MTPN: variants seen among roughly 807,000 people sequenced by gnomAD.
MTPN encodes granule cell differentiation protein.
A neutral mutation model predicts 13.5 loss-of-function variants in MTPN; 2 were observed. The observed-to-expected ratio is 0.15, with a 90% CI of 0.06 to 0.47. MTPN has a LOEUF of 0.47. Ranked by LOEUF, MTPN falls within the 20% of genes least tolerant of loss-of-function variation. The probability of loss-of-function intolerance (pLI) is 0.97; values close to 1 mark genes in which losing one functional copy is unlikely to be tolerated. For synonymous variants in MTPN, 46 were observed against 51.7 expected, an observed-to-expected ratio of 0.89 and a Z score of 0.48; for missense variants, 79 against 137.9, an observed-to-expected ratio of 0.57 and a Z score of 2.14.
At position 135,929,549 on chromosome 7, in the gene MTPN, A is replaced by G. The variant is rs182797391; in HGVS notation, c.*377T>C. On this transcript the variant is annotated 3_prime_UTR_variant, in exon 4 of 4. Transcript: ENST00000393085. ...ACTGCTCAGACAGTTAGGGCTACCA[A>G]ATATGTAGAGTTGGCCTTTGTAGAA... 3 of 217,862 alleles carry G rather than the reference A, an allele frequency of 1.4e-5. No individual in the cohort carries two copies. In the East Asian group the frequency reaches 3.5e-4, roughly 25 times the overall value. The allele number at this position is 217,862 out of a possible 1,614,324, so 13.5% of individuals were successfully genotyped here.
chr7:135,970,013 G>C (rs527876402), intron 1 of MTPN, among the ~76,000 whole-genome samples: 4 of 152,252 alleles, frequency 2.6e-5, no homozygotes, highest in East Asian at 1.9e-4. Flanking sequence ...CTCATGAAGA[G>C]AGTAATGCAG....
chr7:135,932,016 AAG>A (rs1799029181), intron 3 of MTPN, among the ~76,000 whole-genome samples: 1 of 152,168 alleles, frequency 6.6e-6, no homozygotes, highest in African/African-American at 2.4e-5. Context: ...TGTGAACAGT[AAG>A]TTGTTCACAA....
intron 1 of MTPN, among the ~76,000 whole-genome samples, chr7:135,969,255 A>T (rs200437684): frequency 8.1e-6 from 1 of 123,926 alleles, no homozygotes; most frequent in Non-Finnish European, 1.8e-5. Flanking sequence ...AAAAAAAAAG[A>T]AAAAAAAAAG....
chr7:135,927,284 G>A lies in MTPN; in HGVS notation c.*2642C>T, dbSNP rs917506473. 7.1e-6 allele frequency: 11 copies of A among 1,546,778 alleles called. No homozygotes were observed. In the Admixed American group the frequency reaches 1.8e-4, roughly 25 times the overall value. ...CATGCTTAACTGGGTTTAGAAAGGTGAGCTATGCGTAGAAGAACTACTTGG... is the reference window on the plus strand; with the variant it reads ...CATGCTTAACTGGGTTTAGAAAGGTAAGCTATGCGTAGAAGAACTACTTGG... On this transcript the variant is annotated 3_prime_UTR_variant, in exon 4 of 4. Transcript: ENST00000393085.
chr7:135,972,231 G>GCGCGCACACACACACACACA (rs779296906), intron 1 of MTPN, among the ~76,000 whole-genome samples: 30 of 124,718 alleles, frequency 2.4e-4, no homozygotes, highest in African/African-American at 8.7e-4. Context: ...GCACGCGCGC[G>GCGCGCACACACACACACACA]CACACACACA....
chr7:135,958,675 G>C (rs1178310834), intron 1 of MTPN, among the ~76,000 whole-genome samples: 2 of 152,086 alleles, frequency 1.3e-5, no homozygotes, highest in African/African-American at 4.8e-5. Flanking sequence ...TTTTACATTA[G>C]GTTATTACTT....
rs749003241 is a variant in MTPN at position 135,951,492 on chromosome 7, A to C, written c.186+25T>G. Reference sequence around the variant, plus strand: ...TAGCATATTAACAGAAAATTTTTTCAAGAATGATCACGTCCTCTACGTACA... The same window carrying C: ...TAGCATATTAACAGAAAATTTTTTCCAGAATGATCACGTCCTCTACGTACA... On this transcript the variant is annotated intron_variant, in intron 2 of 3. Coordinates refer to ENST00000393085, the MANE Select transcript of MTPN (RefSeq NM_145808.4). 2.6e-6 allele frequency: 4 copies of C among 1,523,892 alleles called. No individual in the cohort carries two copies. The African/African-American group carries it at 5.5e-5, about 21-fold the overall frequency. The allele number at this position is 1,523,892 out of a possible 1,614,324, so 94.4% of individuals were successfully genotyped here. A position where few individuals can be genotyped will look rare whatever the true frequency, so the allele number is the denominator to read the frequency against.
At chr7:135,946,317 T>C (rs1245683333) in intron 3 of MTPN, among the ~76,000 whole-genome samples, 1 of 152,202 alleles carries the variant, frequency 6.6e-6, no homozygotes, top group African/African-American at 2.4e-5. Context: ...TAAAAAATCT[T>C]TTCAAAAATA....
At chr7:135,957,300 A>G (rs1268431802) in intron 1 of MTPN, among the ~76,000 whole-genome samples, 1 of 152,250 alleles carries the variant, frequency 6.6e-6, no homozygotes, top group Non-Finnish European at 1.5e-5. Context: ...AAACCATAAC[A>G]TGCTTTAGGA....
At chr7:135,965,950 T>C (rs368972640) in intron 1 of MTPN, among the ~76,000 whole-genome samples, 1 of 152,078 alleles carries the variant, frequency 6.6e-6, no homozygotes, top group African/African-American at 2.4e-5. Flanking sequence ...ACAGGCAATG[T>C]GATAACTGTT....
chr7:135,942,044 C>T (rs969966013), intron 3 of MTPN, among the ~76,000 whole-genome samples: 3 of 151,802 alleles, frequency 2.0e-5, no homozygotes, highest in African/African-American at 7.3e-5. Flanking sequence ...CCACCACGCC[C>T]GGCTAATTTT....
chr7:135,975,203 T>C (rs1799754954), intron 1 of MTPN, among the ~76,000 whole-genome samples: 1 of 152,250 alleles, frequency 6.6e-6, no homozygotes, highest in East Asian at 1.9e-4. Flanking sequence ...AATCCATCTT[T>C]ATTGGCATAT....
At chr7:135,965,086 C>T (rs993134282) in intron 1 of MTPN, among the ~76,000 whole-genome samples, 3 of 152,020 alleles carry the variant, frequency 2.0e-5, no homozygotes, top group African/African-American at 7.2e-5. Flanking sequence ...TTACTAGCTG[C>T]CCCTTTACAA....
intron 1 of MTPN, among the ~76,000 whole-genome samples, chr7:135,963,608 C>G (rs1200297387): frequency 6.6e-6 from 1 of 152,006 alleles, no homozygotes; most frequent in Non-Finnish European, 1.5e-5. Flanking sequence ...TCTTACTTGA[C>G]ATATTTTCTG....
At chr7:135,965,759 A>G (rs1799594984) in intron 1 of MTPN, among the ~76,000 whole-genome samples, 1 of 152,174 alleles carries the variant, frequency 6.6e-6, no homozygotes, top group South Asian at 2.1e-4. Flanking sequence ...TTAAAACAAC[A>G]AAGAACTTGA....
At chr7:135,962,266 C>T (rs1414265256) in intron 1 of MTPN, among the ~76,000 whole-genome samples, 1 of 150,644 alleles carries the variant, frequency 6.6e-6, no homozygotes, top group African/African-American at 2.4e-5. Flanking sequence ...TTGGGATTAG[C>T]AAAATACCAA....
intron 1 of MTPN, among the ~76,000 whole-genome samples, chr7:135,976,191 C>T (rs1056365711): frequency 1.3e-5 from 2 of 152,186 alleles, no homozygotes; most frequent in South Asian, 2.1e-4. Flanking sequence ...TCCCACTCTG[C>T]CACAATGTCG....
intron 1 of MTPN, among the ~76,000 whole-genome samples, chr7:135,969,409 G>A (rs551580007): frequency 6.6e-5 from 10 of 151,168 alleles, no homozygotes; most frequent in African/African-American, 2.2e-4. Flanking sequence ...TTATAATGTA[G>A]TATCTCATTG....
intron 1 of MTPN, among the ~76,000 whole-genome samples, chr7:135,963,172 G>A (rs1799550977): frequency 6.6e-6 from 1 of 151,984 alleles, no homozygotes; most frequent in South Asian, 2.1e-4. Context: ...TTACAGTTAC[G>A]TATTATCCTT....
Sources: gnomAD v4.1 joint callset for allele counts (sites outside exome capture counted in the v4.1 genomes callset) on GRCh38, gnomAD v4.1.1 for gene constraint, MANE v1.5 for transcripts, NCBI Gene and HGNC (gene_info 2026-07-23, HGNC 2026-07-21) for gene names.